Variants in FER1L6 observed in about 807,000 individuals in gnomAD.
FER1L6 encodes fer-1 like family member 6.
Under a neutral mutation model 219.2 loss-of-function variants are expected in FER1L6, and 177 were observed. The observed-to-expected ratio is 0.81, with a 90% CI of 0.71 to 0.91. The LOEUF is 0.91. Ranked by LOEUF, FER1L6 falls within the 40% of genes least tolerant of loss-of-function variation. The pLI is 0.00. For synonymous variants in FER1L6, 768 were observed against 824.3 expected (o/e 0.93, Z 1.17); for missense variants, 2,153 against 2,259.9 (o/e 0.95, Z 0.96).
At chr8:123,878,200 C>A (rs1817042820) in intron 1 of FER1L6, among the ~76,000 whole-genome samples, 1 of 152,088 alleles carries the variant, frequency 6.6e-6, no homozygotes, top group African/African-American at 2.4e-5. Flanking sequence ...AGAGGAGAGG[C>A]AGGAAGACAC....
chr8:123,884,404 A>G (rs1817163380), intron 1 of FER1L6, among the ~76,000 whole-genome samples: 1 of 152,176 alleles, frequency 6.6e-6, no homozygotes, highest in Non-Finnish European at 1.5e-5. Flanking sequence ...CCCCAAAGTC[A>G]CAGCCCTTCC....
intron 1 of FER1L6, among the ~76,000 whole-genome samples, chr8:123,889,072 C>T (rs780501354): frequency 3.3e-5 from 5 of 152,046 alleles, no homozygotes; most frequent in Non-Finnish European, 7.4e-5. Flanking sequence ...TATGAGATAT[C>T]AGGGTTTGGC....
chr8:123,921,225 G>A (rs1037818074), intron 1 of FER1L6, among the ~76,000 whole-genome samples: 1 of 152,108 alleles, frequency 6.6e-6, no homozygotes, highest in Non-Finnish European at 1.5e-5. Context: ...GCTGGGTCAC[G>A]TGGTAGTTCT....
intron 1 of FER1L6, among the ~76,000 whole-genome samples, chr8:123,856,328 A>G (rs568460508): frequency 4.8e-4 from 59 of 123,020 alleles, no homozygotes; most frequent in Middle Eastern, 4.2e-3. Flanking sequence ...ATATATATAT[A>G]TATATATATA....
At position 123,853,632 on chromosome 8, in the gene FER1L6, G is replaced by C. The variant is rs182229641; in HGVS notation, c.-8+1447G>C. On this transcript the variant is annotated intron_variant, in intron 1 of 40. Transcript: ENST00000522917. The surrounding 1 kb of genome is among the most constrained non-coding windows in gnomAD (Gnocchi z 6.6). ...TGAGTAGAGAAAAAGGGGTAGGTAC[G>C]CCTCACCACGGGCAAGCGTGGAGTA... 6.6e-6 allele frequency among the ~76,000 whole-genome samples: 1 copy of C among 152,146 alleles called. No homozygotes were observed. The highest frequency in any genetic ancestry group is 2.4e-5 in the African/African-American group (1 of 41,440).
intron 23 of FER1L6, 102 bp downstream of exon 23, chr8:124,060,392 G>A (rs1310938732): frequency 1.3e-5 from 18 of 1,422,146 alleles, no homozygotes; most frequent in Non-Finnish European, 1.5e-5. Flanking sequence ...GAGACCTAGA[G>A]AAAAAGAATG....
intron 21 of FER1L6, chr8:124,046,798 G>A (rs1819758492): frequency 6.6e-6 from 1 of 152,220 alleles, no homozygotes; most frequent in African/African-American, 2.4e-5. Context: ...AACAGACACA[G>A]AAAGCTCAAA....
intron 26 of FER1L6, among the ~76,000 whole-genome samples, chr8:124,065,653 A>C (rs1820798130): frequency 1.3e-5 from 2 of 152,142 alleles, no homozygotes. Context: ...ATCTCAGATT[A>C]ATCATAAAAT....
chr8:123,960,901 C>G (rs1174031672), intron 2 of FER1L6, among the ~76,000 whole-genome samples: 1 of 152,092 alleles, frequency 6.6e-6, no homozygotes, highest in African/African-American at 2.4e-5. Context: ...CATTGCTACT[C>G]AAAATTGACC....
chr8:124,069,479 T>G lies in FER1L6; in HGVS notation c.3834+4T>G, dbSNP rs1379143792. ...CCCCAACCTGGCCATCTTGCAGGTA[T>G]GTGGGGACACAGGCATCTCTGCCAT... On this transcript the variant is annotated splice_donor_region_variant and intron_variant, in intron 29 of 40. Transcript: ENST00000522917. 1.3e-6 allele frequency: 2 copies of G among 1,599,624 alleles called. No individual in the cohort carries two copies. Among genetic ancestry groups the G allele is most frequent in the Non-Finnish European group, 1.7e-6 (2 of 1,172,272 alleles).
chr8:124,010,525 A>G, intron 13 of FER1L6, 69 bp from the exon 14 acceptor site: 1 of 1,583,024 alleles, frequency 6.3e-7, no homozygotes. Context: ...ATAAAACATT[A>G]ACGTGTGACT....
At chr8:124,100,634 A>C (rs1004074349) in intron 37 of FER1L6, among the ~76,000 whole-genome samples, 5 of 152,146 alleles carry the variant, frequency 3.3e-5, no homozygotes, top group Non-Finnish European at 7.3e-5. Context: ...CATAGGTCTG[A>C]CAACCCAAGC....
chr8:123,962,421 T>C (rs567337943), intron 2 of FER1L6, among the ~76,000 whole-genome samples: 1 of 151,870 alleles, frequency 6.6e-6, no homozygotes. Context: ...AGTATAGGAG[T>C]GCATGACTTA....
intron 31 of FER1L6, among the ~76,000 whole-genome samples, chr8:124,075,142 A>G (rs1191846668): frequency 6.6e-6 from 1 of 152,250 alleles, no homozygotes; most frequent in Non-Finnish European, 1.5e-5. Flanking sequence ...ATAATAAATT[A>G]GCTTACTATA....
intron 28 of FER1L6, 39 bp from the exon 29 acceptor site, chr8:124,069,321 A>T: frequency 6.9e-7 from 1 of 1,452,610 alleles, no homozygotes; most frequent in South Asian, 1.1e-5. Context: ...TCTCATCTCA[A>T]CCGCCATGAG....
At chr8:124,042,672 T>C (rs1485082421) in intron 20 of FER1L6, among the ~76,000 whole-genome samples, 1 of 152,130 alleles carries the variant, frequency 6.6e-6, no homozygotes, top group Non-Finnish European at 1.5e-5. Flanking sequence ...GTATTTTTAA[T>C]GATGAGGAAA....
At position 124,021,569 on chromosome 8, in the gene FER1L6, C is replaced by A; in HGVS notation, c.2033C>A (p.Ala678Asp). The stretch of plus-strand genomic sequence containing the variant: ...TTTTAGGAAGCAATGTGCAAGGAGG[C>A]CAAGGGGATCATTCAGCAGCAGAAG... ...WQELEAMCKE[A>D]KGIIQQQKKK... Residue 678 changes from alanine to aspartate, a missense_variant, in exon 17 of 41, where the codon GCC becomes GAC. Coordinates refer to ENST00000522917, the MANE Select transcript of FER1L6 (RefSeq NM_001039112.2). 1 of 1,614,016 alleles carries A rather than the reference C, an allele frequency of 6.2e-7. No homozygotes were observed. Among genetic ancestry groups the A allele is most frequent in the Non-Finnish European group, 8.5e-7 (1 of 1,179,950 alleles).
At position 124,080,727 on chromosome 8, in the gene FER1L6, T is replaced by C. The variant is rs943249187; in HGVS notation, c.4221-1561T>C. On this transcript the variant is annotated intron_variant, in intron 32 of 40. Transcript: ENST00000522917. Reference sequence around the variant, plus strand: ...AGGGTGATTAAGTCTTCTGTCATGGTTGCCAGCAGCAGTTAAGCCCTTAAT... The same window carrying C: ...AGGGTGATTAAGTCTTCTGTCATGGCTGCCAGCAGCAGTTAAGCCCTTAAT... Among the ~76,000 whole-genome samples, 6 of 152,322 alleles carry C rather than the reference T, an allele frequency of 3.9e-5. 1 individual carries two copies. The South Asian group carries it at 1.2e-3, about 32-fold the overall frequency.
chr8:124,053,396 A>T (rs143628936), intron 22 of FER1L6, among the ~76,000 whole-genome samples: 75 of 152,312 alleles, frequency 4.9e-4, no homozygotes, highest in African/African-American at 1.7e-3. Context: ...CCTGAGATAC[A>T]ATTCATTAGG....
Sources: allele counts gnomAD v4.1 joint callset (sites outside exome capture counted in the v4.1 genomes callset), GRCh38; gene constraint gnomAD v4.1.1; non-coding constraint Gnocchi (gnomAD v3.1); transcripts MANE v1.5; gene names NCBI Gene and HGNC (gene_info 2026-07-23, HGNC 2026-07-21).